The following LDHC variants were observed in gnomAD, a reference collection of about 807,000 sequenced individuals.
LDHC encodes the protein lactate dehydrogenase C.
Under a neutral mutation model 30.2 loss-of-function variants are expected in LDHC, and 20 were observed. The observed-to-expected ratio is 0.66, with a 90% CI of 0.47 to 0.96. The LOEUF (loss-of-function observed/expected upper bound fraction) is 0.96, where lower values mean the gene tolerates loss of function less well. Among genes scored for constraint, LDHC ranks in the 40% least tolerant of loss-of-function variants. The probability of loss-of-function intolerance (pLI) is 0.00; values close to 1 mark genes in which losing one functional copy is unlikely to be tolerated. For synonymous variants in LDHC, 139 were observed against 132.7 expected (o/e 1.05, Z -0.32); for missense variants, 362 against 394.9 (o/e 0.92, Z 0.71).
Position 18,429,983 on chromosome 11 carries a change from C to A in LDHC, c.418+73C>A, listed in dbSNP as rs368784004. Reference sequence around the variant, plus strand: ...ACCATTCCTTTAAAAGAATCAACTTCATTGAGTTAACATTTATATACAATA... The same window carrying A: ...ACCATTCCTTTAAAAGAATCAACTTAATTGAGTTAACATTTATATACAATA... On this transcript the variant is annotated intron_variant, in intron 4 of 7. Coordinates refer to ENST00000541669, the MANE Select transcript of LDHC (RefSeq NM_017448.5). The A allele has an allele frequency of 3.9e-4, 359 of 910,654 alleles. 1 individual carries two copies. The South Asian group carries it at 4.1e-3, about 10-fold the overall frequency. The allele number at this position is 910,654 out of a possible 1,614,324, so 56.4% of individuals were successfully genotyped here.
intron 7 of LDHC, chr11:18,450,712 G>T (rs1483709794): frequency 5.9e-6 from 2 of 338,790 alleles, no homozygotes; most frequent in Non-Finnish European, 1.1e-5. Context: ...CCTGGTAAGG[G>T]ATAAGGTAAA....
At chr11:18,431,333 A>G (rs1036065441) in intron 4 of LDHC, among the ~76,000 whole-genome samples, 1 of 151,958 alleles carries the variant, frequency 6.6e-6, no homozygotes, top group Non-Finnish European at 1.5e-5. Context: ...GTGGTGGTAC[A>G]TGCCTGTAAT....
chr11:18,440,028 G>A (rs991024675), intron 6 of LDHC, among the ~76,000 whole-genome samples: 4 of 150,306 alleles, frequency 2.7e-5, no homozygotes, highest in African/African-American at 7.3e-5. Context: ...TAGGCTGGGC[G>A]CAGTGGCTTA....
At chr11:18,425,999 G>A (rs978315600) in intron 3 of LDHC, among the ~76,000 whole-genome samples, 2 of 150,624 alleles carry the variant, frequency 1.3e-5, no homozygotes, top group East Asian at 2.0e-4. Flanking sequence ...ATGGGGAAGA[G>A]CAATGATGGA....
chr11:18,443,622 G>C (rs1848503869), intron 6 of LDHC, among the ~76,000 whole-genome samples: 1 of 151,928 alleles, frequency 6.6e-6, no homozygotes, highest in Admixed American at 6.6e-5. Context: ...ACCATGCCTG[G>C]CCACTTTTTG....
chr11:18,449,270 C>G (rs1185217987), intron 7 of LDHC, among the ~76,000 whole-genome samples: 1 of 151,156 alleles, frequency 6.6e-6, no homozygotes, highest in East Asian at 1.9e-4. Context: ...GACTCCATCT[C>G]TATAAAAAAT....
At chr11:18,446,354 C>T (rs372359861) in intron 7 of LDHC, 21 bp downstream of exon 7, 1 of 1,551,102 alleles carries the variant, frequency 6.4e-7, no homozygotes, top group African/African-American at 1.4e-5. Context: ...ATTAAATCTT[C>T]ATTTATCATT....
intron 4 of LDHC, 23 bp from the exon 5 acceptor site, chr11:18,434,717 T>C: frequency 6.7e-7 from 1 of 1,496,548 alleles, no homozygotes; most frequent in Non-Finnish European, 9.2e-7. Context: ...AATCTTTTTC[T>C]AACACAAAAT....
At chr11:18,444,338 A>G (rs1848514404) in intron 6 of LDHC, among the ~76,000 whole-genome samples, 1 of 151,946 alleles carries the variant, frequency 6.6e-6, no homozygotes, top group Non-Finnish European at 1.5e-5. Context: ...TCAACTGGTG[A>G]GATTTGTCCC....
chr11:18,427,962 C>A (rs1336045480), intron 3 of LDHC, among the ~76,000 whole-genome samples: 1 of 151,932 alleles, frequency 6.6e-6, no homozygotes, highest in Non-Finnish European at 1.5e-5. Context: ...CAGGTGTGAG[C>A]CACTGTGCCT....
At chr11:18,433,200 A>G (rs370537519) in intron 4 of LDHC, among the ~76,000 whole-genome samples, 149 of 152,214 alleles carry the variant, frequency 9.8e-4, no homozygotes, top group African/African-American at 3.2e-3. Context: ...AGCCTGCCCA[A>G]CATAGTGAAA....
chr11:18,414,418 T>TA (rs1448822532), intron 2 of LDHC, among the ~76,000 whole-genome samples: 2 of 152,184 alleles, frequency 1.3e-5, no homozygotes, highest in Admixed American at 1.3e-4. Context: ...AAAGGGACAC[T>TA]AGACAGATGA....
At chr11:18,421,626 T>A in intron 3 of LDHC, among the ~76,000 whole-genome samples, 1 of 151,680 alleles carries the variant, frequency 6.6e-6, no homozygotes, top group Non-Finnish European at 1.5e-5. Flanking sequence ...TGAGCAGAGA[T>A]CATGCCATTA....
chr11:18,430,204 A>G (rs1848240780), intron 4 of LDHC, among the ~76,000 whole-genome samples: 1 of 152,116 alleles, frequency 6.6e-6, no homozygotes, highest in African/African-American at 2.4e-5. Flanking sequence ...TGCTGAATGT[A>G]ATTTTTTCTG....
rs182339016 is a variant in LDHC, at chr11:18,415,456, G to T, written c.244+155G>T. Among the ~76,000 whole-genome samples the T allele has an allele frequency of 3.7e-4, 57 of 152,090 alleles. 1 individual carries two copies. Among genetic ancestry groups the T allele is most frequent in the African/African-American group, 1.3e-3 (55 of 41,514 alleles). On this transcript the variant is annotated intron_variant, in intron 3 of 7. Transcript: ENST00000541669. Reference sequence around the variant, plus strand: ...GATCAATTTTTTTTGTTTTTTGAGAGAGTCTCACTCTGTCACCCAGATTAG... The same window carrying T: ...GATCAATTTTTTTTGTTTTTTGAGATAGTCTCACTCTGTCACCCAGATTAG...
intron 5 of LDHC, 51 bp downstream of exon 5, chr11:18,434,964 G>A (rs73438666): frequency 0.13 from 165,836 of 1,256,266 alleles, 11,830 homozygotes; most frequent in African/African-American, 0.23. Flanking sequence ...ATCTCTACTA[G>A]TGCTTATTTC....
intron 5 of LDHC, 68 bp downstream of exon 5, chr11:18,434,981 A>T: frequency 1.8e-6 from 2 of 1,108,610 alleles, no homozygotes; most frequent in South Asian, 2.0e-5. Context: ...TTTCCTTTAA[A>T]GTTTTTTCCC....
chr11:18,443,477 T>C lies in LDHC; in HGVS notation c.711-2733T>C, dbSNP rs1185522729. Among the ~76,000 whole-genome samples the C allele has an allele frequency of 5.5e-5, 8 of 144,944 alleles. No individual in the cohort carries two copies. In the East Asian group the frequency reaches 1.5e-3, roughly 28 times the overall value. On this transcript the variant is annotated intron_variant, in intron 6 of 7. Coordinates refer to ENST00000541669, the MANE Select transcript of LDHC (RefSeq NM_017448.5). ...CTTTCTTTCTTTTTTTTTTTTTTTT[T>C]GAGACACAGTCTGGCTCTGTCATCC...
intron 7 of LDHC, 196 bp from the exon 8 acceptor site, chr11:18,450,767 A>G (rs141207365): frequency 4.3e-6 from 2 of 461,140 alleles, no homozygotes; most frequent in Non-Finnish European, 7.5e-6. Context: ...CATCTTCTTC[A>G]TGTCACTGAA....
Sources: allele counts gnomAD v4.1 joint callset (sites outside exome capture counted in the v4.1 genomes callset), GRCh38; gene constraint gnomAD v4.1.1; transcripts MANE v1.5; gene names NCBI Gene and HGNC (gene_info 2026-07-23, HGNC 2026-07-21).